HAVCR1: variants seen among roughly 807,000 people sequenced by gnomAD.
The protein encoded by HAVCR1 is hepatitis A virus cellular receptor 1.
HAVCR1 carries 34 observed loss-of-function variants against 32.0 expected under a neutral mutation model. That is an observed-to-expected ratio of 1.06 (90% CI 0.81 to 1.42). The LOEUF is 1.42. Among genes scored for constraint, HAVCR1 ranks in the 40% most tolerant of loss-of-function variants. HAVCR1 has a pLI of 0.00. For synonymous variants in HAVCR1, 178 were observed against 170.3 expected, an observed-to-expected ratio of 1.05 and a Z score of -0.35; for missense variants, 420 against 442.3, an observed-to-expected ratio of 0.95 and a Z score of 0.45.
At chr5:157,038,227 A>C (rs1374699523) in intron 6 of HAVCR1, among the ~76,000 whole-genome samples, 2 of 152,178 alleles carry the variant, frequency 1.3e-5, no homozygotes, top group African/African-American at 4.8e-5. Context: ...ATCATGAAGA[A>C]ATGTAAAATT....
chr5:157,060,618 G>A (rs1756464287), upstream of HAVCR1, among the ~76,000 whole-genome samples: 1 of 152,060 alleles, frequency 6.6e-6, no homozygotes, highest in African/African-American at 2.4e-5. Flanking sequence ...ATAGAGTGCT[G>A]CCCGGTAGAA....
chr5:157,040,762 T>C (rs530488449), intron 6 of HAVCR1, among the ~76,000 whole-genome samples: 1 of 152,198 alleles, frequency 6.6e-6, no homozygotes, highest in South Asian at 2.1e-4. Context: ...TAGCCAGGCA[T>C]GGTGGTGGGC....
At chr5:157,031,860 T>C (rs1302437716) in intron 8 of HAVCR1, among the ~76,000 whole-genome samples, 2 of 148,870 alleles carry the variant, frequency 1.3e-5, no homozygotes, top group African/African-American at 5.0e-5. Context: ...TAAAGGCAAA[T>C]TCAAGTGCCT....
At chr5:157,029,862 G>A (rs375338120) in intron 8 of HAVCR1, 21 bp from the exon 9 acceptor site, 1 of 1,602,424 alleles carries the variant, frequency 6.2e-7, no homozygotes, top group East Asian at 2.2e-5. Context: ...AGTTGTTGAA[G>A]AATAACATGA....
upstream of HAVCR1, among the ~76,000 whole-genome samples, chr5:157,063,330 G>A (rs1756531244): frequency 7.1e-6 from 1 of 141,254 alleles, no homozygotes; most frequent in South Asian, 2.2e-4. Context: ...TTTTTGCCCA[G>A]GCTGGAGGGC....
intron 5 of HAVCR1, among the ~76,000 whole-genome samples, 194 bp downstream of exon 5, chr5:157,048,844 A>AACACAC: frequency 6.7e-6 from 1 of 150,034 alleles, no homozygotes; most frequent in South Asian, 2.1e-4. Flanking sequence ...AAAAAAAGAA[A>AACACAC]ACACACACAC....
intron 4 of HAVCR1, among the ~76,000 whole-genome samples, chr5:157,049,655 A>G (rs996068470): frequency 2.0e-5 from 3 of 152,210 alleles, no homozygotes; most frequent in African/African-American, 7.2e-5. Context: ...TTATCCACAC[A>G]TCTAATAACT....
chr5:157,042,185 G>A (rs532181596), intron 6 of HAVCR1, among the ~76,000 whole-genome samples: 2 of 152,196 alleles, frequency 1.3e-5, no homozygotes, highest in Admixed American at 1.3e-4. Context: ...TCACCTAAAT[G>A]AACTTTCCAA....
At chr5:157,030,882 T>G (rs183296893) in intron 8 of HAVCR1, among the ~76,000 whole-genome samples, 126 of 152,304 alleles carry the variant, frequency 8.3e-4, no homozygotes, top group African/African-American at 2.4e-3. Context: ...CTATGGTCCC[T>G]AAACAGGTCA....
chr5:157,066,805 G>T, the HAVCR1 span, among the ~76,000 whole-genome samples: 6 of 152,120 alleles, frequency 3.9e-5, no homozygotes, highest in Non-Finnish European at 5.9e-5. Context: ...TAGCAGTAAG[G>T]GCCGGGCACG....
intron 2 of HAVCR1, 75 bp downstream of exon 2, chr5:157,057,823 C>T (rs1756306770): frequency 9.3e-7 from 1 of 1,074,076 alleles, no homozygotes. Flanking sequence ...ATCCCCTCCC[C>T]TTCCCCTACC....
upstream of HAVCR1, among the ~76,000 whole-genome samples, chr5:157,061,703 C>A (rs75711106): frequency 1.8e-4 from 26 of 147,034 alleles, no homozygotes; most frequent in South Asian, 2.1e-4. Flanking sequence ...TGAGACTTCT[C>A]AAAAAAAAAA....
chr5:157,054,932 G>C (rs954319044), intron 3 of HAVCR1, among the ~76,000 whole-genome samples: 1 of 152,114 alleles, frequency 6.6e-6, no homozygotes, highest in African/African-American at 2.4e-5. Context: ...GCAGATTTTG[G>C]TATCAAGGGG....
rs1218456196 is a variant in HAVCR1, at chr5:157,029,559, T to A, written c.*174A>T. ...GGACTACATTAATGATGAGGTTGAC[T>A]ATACACAGTTTGGAGTGAGAGAGTT... On this transcript the variant is annotated 3_prime_UTR_variant, in exon 9 of 9. Coordinates refer to ENST00000523175, the MANE Select transcript of HAVCR1 (RefSeq NM_001173393.3). 6.6e-7 allele frequency: 1 copy of A among 1,505,994 alleles called. No individual in the cohort carries two copies. Among genetic ancestry groups the A allele is most frequent in the South Asian group, 1.2e-5 (1 of 83,478 alleles). 93.3% of individuals were successfully genotyped at this position (1,505,994 alleles called of 1,614,324 possible). A position where few individuals can be genotyped will look rare whatever the true frequency, so the allele number is the denominator to read the frequency against.
the HAVCR1 span, among the ~76,000 whole-genome samples, chr5:157,066,923 CT>C: frequency 6.6e-6 from 1 of 152,016 alleles, no homozygotes; most frequent in Non-Finnish European, 1.5e-5. Flanking sequence ...CCTGTCTCTA[CT>C]AAAAATACAA....
At chr5:157,056,966 G>A (rs149800237) in intron 2 of HAVCR1, among the ~76,000 whole-genome samples, 1 of 152,056 alleles carries the variant, frequency 6.6e-6, no homozygotes, top group East Asian at 1.9e-4. Context: ...AGCACTTTGG[G>A]AGACTGAGGT....
rs184740965 is a variant in HAVCR1, at chr5:157,056,521, A to G, written c.47-988T>C. The stretch of plus-strand genomic sequence containing the variant: ...CAGCCTCCCCAGCAGCTGAGACTAC[A>G]GGCACACGCCGCCACGCCCGGCTAA... On this transcript the variant is annotated intron_variant, in intron 2 of 8. Coordinates refer to ENST00000523175, the MANE Select transcript of HAVCR1 (RefSeq NM_001173393.3). 2.6e-3 allele frequency among the ~76,000 whole-genome samples: 401 copies of G among 151,786 alleles called. 2 individuals are homozygous for G. The highest frequency in any genetic ancestry group is 8.9e-3 in the African/African-American group (369 of 41,366).
the HAVCR1 span, among the ~76,000 whole-genome samples, chr5:157,068,902 C>T: frequency 2.3e-4 from 35 of 152,326 alleles, no homozygotes; most frequent in Non-Finnish European, 3.8e-4. Context: ...TGAGCCACCA[C>T]GCCCCCTAAT....
chr5:157,029,653 C>G lies in HAVCR1; in HGVS notation c.*80G>C. On this transcript the variant is annotated 3_prime_UTR_variant, in exon 9 of 9. Coordinates refer to ENST00000523175, the MANE Select transcript of HAVCR1 (RefSeq NM_001173393.3). ...TGAAACAGAAAAATTGTCTTGGGGTCTAAAAGACGTCTGATGTGCTGATGT... is the reference window on the plus strand; with the variant it reads ...TGAAACAGAAAAATTGTCTTGGGGTGTAAAAGACGTCTGATGTGCTGATGT... The G allele has an allele frequency of 1.3e-6, 2 of 1,594,120 alleles. No individual in the cohort carries two copies. The highest frequency in any genetic ancestry group is 1.7e-6 in the Non-Finnish European group (2 of 1,171,910).
Sources: allele counts gnomAD v4.1 joint callset (sites outside exome capture counted in the v4.1 genomes callset), GRCh38; gene constraint gnomAD v4.1.1; transcripts MANE v1.5; gene names NCBI Gene and HGNC (gene_info 2026-07-23, HGNC 2026-07-21).